MGAT5: variants seen among roughly 807,000 people sequenced by gnomAD.
MGAT5 encodes alpha-1,6-mannosylglycoprotein 6-beta-N-acetylglucosaminyltransferase A.
In MGAT5, 30 loss-of-function variants were observed where a neutral mutation model predicts 94.3. That is an observed-to-expected ratio of 0.32 (90% CI 0.24 to 0.43). The LOEUF (loss-of-function observed/expected upper bound fraction) is 0.43, where lower values mean the gene tolerates loss of function less well. Among genes scored for constraint, MGAT5 ranks in the 20% least tolerant of loss-of-function variants. The probability of loss-of-function intolerance (pLI) is 1.00; values close to 1 mark genes in which losing one functional copy is unlikely to be tolerated. For synonymous variants in MGAT5, 310 were observed against 322.9 expected (o/e 0.96, Z 0.43); for missense variants, 691 against 905.5 (o/e 0.76, Z 3.04).
At chr2:134,215,930 T>A (rs1349911213) in intron 1 of MGAT5, among the ~76,000 whole-genome samples, 1 of 152,238 alleles carries the variant, frequency 6.6e-6, no homozygotes, top group African/African-American at 2.4e-5. Flanking sequence ...TCTGTGGTTT[T>A]AATCCCATCC....
chr2:134,382,033 T>C (rs1167589158), intron 10 of MGAT5, among the ~76,000 whole-genome samples: 3 of 152,182 alleles, frequency 2.0e-5, no homozygotes, highest in Non-Finnish European at 2.9e-5. Context: ...ATGCTACCCC[T>C]GGAGCTTTGC....
chr2:134,375,459 G>A (rs1482585275), intron 10 of MGAT5, among the ~76,000 whole-genome samples: 4 of 152,204 alleles, frequency 2.6e-5, no homozygotes, highest in Admixed American at 6.5e-5. Flanking sequence ...GCAGAGTAGT[G>A]AAACCGAAAT....
At chr2:134,274,996 G>A (rs1684272262) in intron 2 of MGAT5, among the ~76,000 whole-genome samples, 1 of 152,186 alleles carries the variant, frequency 6.6e-6, no homozygotes, top group African/African-American at 2.4e-5. Context: ...CTTGCATTTG[G>A]AAGTGCAATT....
chr2:134,272,070 T>A (rs7560975), intron 2 of MGAT5, among the ~76,000 whole-genome samples: 40,681 of 152,144 alleles, frequency 0.27, 8,432 homozygotes, highest in African/African-American at 0.56. Flanking sequence ...CTTTCCCCCA[T>A]CGTGGCATCT....
intron 14 of MGAT5, 62 bp downstream of exon 14, chr2:134,428,501 C>A: frequency 7.0e-7 from 1 of 1,434,360 alleles, no homozygotes; most frequent in Non-Finnish European, 9.8e-7. Flanking sequence ...CGCCATAGGG[C>A]TCTCAAGAAC....
intron 1 of MGAT5, among the ~76,000 whole-genome samples, chr2:134,145,462 C>G (rs997995406): frequency 6.6e-6 from 1 of 152,188 alleles, no homozygotes; most frequent in Non-Finnish European, 1.5e-5. Flanking sequence ...AGGAGAATTG[C>G]TTGAATTCAG....
chr2:134,224,266 C>T (rs550318386), intron 1 of MGAT5, among the ~76,000 whole-genome samples: 6 of 152,240 alleles, frequency 3.9e-5, no homozygotes, highest in South Asian at 2.1e-4. Context: ...GTTTCCAGAG[C>T]GGTACTTGGT....
At chr2:134,208,628 C>T (rs1204577254) in intron 1 of MGAT5, among the ~76,000 whole-genome samples, 1 of 152,126 alleles carries the variant, frequency 6.6e-6, no homozygotes, top group Non-Finnish European at 1.5e-5. Flanking sequence ...AACATAGATG[C>T]ATATGTATAC....
rs991841422 is a variant in MGAT5, at chr2:134,449,535, A to G, written c.*688A>G. 2.6e-5 allele frequency: 4 copies of G among 152,736 alleles called. No individual in the cohort carries two copies. Among genetic ancestry groups the G allele is most frequent in the African/African-American group, 9.6e-5 (4 of 41,464 alleles). The allele number at this position is 152,736 out of a possible 1,614,324, so 9.5% of individuals were successfully genotyped here. A position where few individuals can be genotyped will look rare whatever the true frequency, so the allele number is the denominator to read the frequency against. Reference sequence around the variant, plus strand: ...ACCTAGAGCATGGGCTGCCTCAGTCAGGGGGACGTGCCTGTGTTGTCCAGA... The same window carrying G: ...ACCTAGAGCATGGGCTGCCTCAGTCGGGGGGACGTGCCTGTGTTGTCCAGA... On this transcript the variant is annotated 3_prime_UTR_variant, in exon 16 of 16. Coordinates refer to ENST00000281923, the MANE Select transcript of MGAT5 (RefSeq NM_002410.5).
intron 1 of MGAT5, among the ~76,000 whole-genome samples, chr2:134,188,222 G>A (rs28575126): frequency 0.021 from 3,240 of 152,336 alleles, 103 homozygotes; most frequent in African/African-American, 0.075. Flanking sequence ...TTCTGAGGTT[G>A]GAGAATGGGA....
At chr2:134,370,314 C>T (rs1680705078) in intron 10 of MGAT5, among the ~76,000 whole-genome samples, 1 of 152,200 alleles carries the variant, frequency 6.6e-6, no homozygotes, top group South Asian at 2.1e-4. Context: ...CTTCAGGCTA[C>T]TTAGCCAAGC....
At chr2:134,421,592 A>T (rs990763568) in intron 12 of MGAT5, among the ~76,000 whole-genome samples, 4 of 152,164 alleles carry the variant, frequency 2.6e-5, no homozygotes, top group East Asian at 1.9e-4. Context: ...TCAAAAAAAA[A>T]AAATAAAAAA....
At chr2:134,403,516 A>G (rs1182874237) in intron 11 of MGAT5, among the ~76,000 whole-genome samples, 1 of 152,166 alleles carries the variant, frequency 6.6e-6, no homozygotes, top group Non-Finnish European at 1.5e-5. Flanking sequence ...ATCACTGTTC[A>G]AGGAGTGGGT....
intron 1 of MGAT5, among the ~76,000 whole-genome samples, chr2:134,177,884 G>A (rs1196929876): frequency 1.3e-5 from 2 of 152,154 alleles, no homozygotes; most frequent in African/African-American, 2.4e-5. Flanking sequence ...GTAGTGCTCG[G>A]TTCTCAAAAA....
chr2:134,413,019 A>G lies in MGAT5; in HGVS notation c.1677+4A>G. 6.2e-7 allele frequency: 1 copy of G among 1,614,136 alleles called. No individual in the cohort carries two copies. ...TGGCAAGCCAACTCTGAGAGAGGTA[A>G]GCATCTATCAAAATTATTCCATTTT... On this transcript the variant is annotated splice_donor_region_variant and intron_variant, in intron 12 of 15. Transcript: ENST00000281923.
intron 7 of MGAT5, among the ~76,000 whole-genome samples, chr2:134,342,461 T>C (rs1271948256): frequency 6.6e-6 from 1 of 152,072 alleles, no homozygotes; most frequent in Admixed American, 6.6e-5. Flanking sequence ...CTAGAGCTCA[T>C]TGAGATGAGA....
At chr2:134,166,187 C>T (rs1265022303) in intron 1 of MGAT5, among the ~76,000 whole-genome samples, 3 of 152,056 alleles carry the variant, frequency 2.0e-5, no homozygotes, top group Admixed American at 1.3e-4. Flanking sequence ...CTGAGATGAT[C>T]GCAGAGACAG....
At chr2:134,174,645 A>G (rs76569177) in intron 1 of MGAT5, among the ~76,000 whole-genome samples, 8,324 of 152,306 alleles carry the variant, frequency 0.055, 536 homozygotes, top group African/African-American at 0.15. Flanking sequence ...GAGACAAGTC[A>G]TGGGAACTAG....
chr2:134,386,427 AT>A (rs748634389), intron 10 of MGAT5, among the ~76,000 whole-genome samples: 4 of 152,262 alleles, frequency 2.6e-5, no homozygotes, highest in African/African-American at 4.8e-5. Flanking sequence ...AAATAAAAAA[AT>A]CTCTTAAAGA....
Sources: allele counts gnomAD v4.1 joint callset (sites outside exome capture counted in the v4.1 genomes callset), GRCh38; gene constraint gnomAD v4.1.1; transcripts MANE v1.5; gene names NCBI Gene and HGNC (gene_info 2026-07-23, HGNC 2026-07-21).